Variants in SLAIN1 observed in about 807,000 individuals in gnomAD.
The protein encoded by SLAIN1 is SLAIN family member 1.
Under a neutral mutation model 55.4 loss-of-function variants are expected in SLAIN1, and 17 were observed. That is an observed-to-expected ratio of 0.31 (90% CI 0.21 to 0.46). The LOEUF (loss-of-function observed/expected upper bound fraction) is 0.46, where lower values mean the gene tolerates loss of function less well. Ranked by LOEUF, SLAIN1 falls within the 20% of genes least tolerant of loss-of-function variation. The probability of loss-of-function intolerance (pLI) is 1.00; values close to 1 mark genes in which losing one functional copy is unlikely to be tolerated. For missense variants in SLAIN1, 682 were observed against 785.1 expected (o/e 0.87, Z 1.57); for synonymous variants, 348 against 337.4 (o/e 1.03, Z -0.35).
chr13:77,708,824 C>T (rs1041844993), intron 1 of SLAIN1, among the ~76,000 whole-genome samples: 2 of 152,128 alleles, frequency 1.3e-5, no homozygotes, highest in African/African-American at 4.8e-5. Flanking sequence ...TGCAAAAAGG[C>T]TGAAAATTCC....
chr13:77,763,379 T>C lies in SLAIN1; in HGVS notation c.*159T>C. ...CAATGGACCAGTCACCAGAGACTAA[T>C]TATTGCACTTAAATATTTGCCTGAG... On this transcript the variant is annotated 3_prime_UTR_variant, in exon 7 of 7. Transcript: ENST00000418532. 1.7e-6 allele frequency: 1 copy of C among 603,712 alleles called. No homozygotes were observed. The highest frequency in any genetic ancestry group is 2.9e-6 in the Non-Finnish European group (1 of 341,896). 37.4% of individuals were successfully genotyped at this position (603,712 alleles called of 1,614,324 possible). A position where few individuals can be genotyped will look rare whatever the true frequency, so the allele number is the denominator to read the frequency against.
At chr13:77,703,868 G>A (rs2091055226) in intron 1 of SLAIN1, among the ~76,000 whole-genome samples, 1 of 142,378 alleles carries the variant, frequency 7.0e-6, no homozygotes, top group African/African-American at 2.6e-5. Flanking sequence ...ACTTTTCAGT[G>A]GCAGGTCTAA....
At chr13:77,711,556 T>C (rs942360445) in intron 1 of SLAIN1, among the ~76,000 whole-genome samples, 1 of 151,998 alleles carries the variant, frequency 6.6e-6, no homozygotes, top group Admixed American at 6.6e-5. Context: ...AGACCAGTAA[T>C]AAATTCTGGA....
chr13:77,714,174 TAAAA>T (rs11316609), intron 1 of SLAIN1, among the ~76,000 whole-genome samples: 8 of 151,814 alleles, frequency 5.3e-5, no homozygotes, highest in Admixed American at 5.3e-4. Flanking sequence ...AGTATAGTAA[TAAAA>T]AAATAAGGAA....
chr13:77,737,368 A>C (rs748158684), intron 2 of SLAIN1, among the ~76,000 whole-genome samples: 31 of 152,074 alleles, frequency 2.0e-4, no homozygotes, highest in Non-Finnish European at 4.4e-4. Context: ...ATGCCCATTT[A>C]GTTCATCATT....
chr13:77,703,424 A>G (rs2091050520), intron 1 of SLAIN1, among the ~76,000 whole-genome samples: 1 of 152,128 alleles, frequency 6.6e-6, no homozygotes, highest in South Asian at 2.1e-4. Flanking sequence ...ATTTTCAGTG[A>G]AAAGACCAGA....
rs1875282159 is a variant in SLAIN1, at chr13:77,764,157, A to G, written c.*937A>G. The G allele has an allele frequency of 6.6e-6, 1 of 152,644 alleles. No individual in the cohort carries two copies. The highest frequency in any genetic ancestry group is 2.4e-5 in the African/African-American group (1 of 41,454). 9.5% of individuals were successfully genotyped at this position (152,644 alleles called of 1,614,324 possible). ...GCACTAATGAATGCTTTCTTATGGCATATAACTTAATATTTGTTACTGTGT... is the reference window on the plus strand; with the variant it reads ...GCACTAATGAATGCTTTCTTATGGCGTATAACTTAATATTTGTTACTGTGT... On this transcript the variant is annotated 3_prime_UTR_variant, in exon 7 of 7. Coordinates refer to ENST00000418532, the MANE Select transcript of SLAIN1 (RefSeq NM_001242868.2).
At chr13:77,735,155 T>C (rs1873058171) in intron 2 of SLAIN1, among the ~76,000 whole-genome samples, 1 of 152,208 alleles carries the variant, frequency 6.6e-6, no homozygotes, top group African/African-American at 2.4e-5. Flanking sequence ...CCTGTACCCA[T>C]GAAAAGCCTG....
Position 77,698,018 on chromosome 13 carries a change from G to T in SLAIN1, c.105G>T (p.Leu35=), listed in dbSNP as rs2090990834. Residue 35 remains leucine (L), a synonymous_variant, in exon 1 of 7, where the codon CTG becomes CTT. Coordinates refer to ENST00000418532, the MANE Select transcript of SLAIN1 (RefSeq NM_001242868.2). This position sits in a 1 kb window ranked among gnomAD's most constrained non-coding sequence, Gnocchi z 4.1. ...TGGAGGTGAAGAAGCTGCAGGAGCT[G>T]GTGCGCAAGCTGGAGAAGCAGAACG... ...AELEVKKLQE[L]VRKLEKQNEQ... The T allele has an allele frequency of 7.0e-7, 1 of 1,431,606 alleles. No homozygotes were observed. The highest frequency in any genetic ancestry group is 9.2e-7 in the Non-Finnish European group (1 of 1,081,094). The allele number at this position is 1,431,606 out of a possible 1,614,324, so 88.7% of individuals were successfully genotyped here.
intron 1 of SLAIN1, among the ~76,000 whole-genome samples, chr13:77,716,246 T>C (rs1243532130): frequency 6.6e-6 from 1 of 152,028 alleles, no homozygotes; most frequent in African/African-American, 2.4e-5. Flanking sequence ...TCTGGGCTAT[T>C]TTTTTCCACT....
chr13:77,750,107 C>T (rs1050122719), intron 4 of SLAIN1, among the ~76,000 whole-genome samples: 10 of 152,084 alleles, frequency 6.6e-5, no homozygotes, highest in Non-Finnish European at 1.5e-4. Context: ...AGAATTTTCT[C>T]AGGAGATCAA....
In SLAIN1 at chr13:77,698,944, T is replaced by C. The variant is rs370537468; in HGVS notation, c.626+405T>C. 1 of 1,534,014 alleles carries C rather than the reference T, an allele frequency of 6.5e-7. No homozygotes were observed. The highest frequency in any genetic ancestry group is 8.7e-7 in the Non-Finnish European group (1 of 1,146,768). On this transcript the variant is annotated intron_variant, in intron 1 of 6. Coordinates refer to ENST00000418532, the MANE Select transcript of SLAIN1 (RefSeq NM_001242868.2). This position sits in a 1 kb window ranked among gnomAD's most constrained non-coding sequence, Gnocchi z 4.1. ...GGGGGATGGTAGGGGTTGGCCTCTG[T>C]CTGCGACTGTTACTGTTCTTTCGTT...
At chr13:77,741,352 C>G in intron 2 of SLAIN1, 1 of 987,384 alleles carries the variant, frequency 1.0e-6, no homozygotes, top group Non-Finnish European at 1.2e-6. Flanking sequence ...GTAGTGTATT[C>G]TGGAGTCAAG....
At chr13:77,737,142 G>A (rs891540047) in intron 2 of SLAIN1, among the ~76,000 whole-genome samples, 1 of 151,904 alleles carries the variant, frequency 6.6e-6, no homozygotes, top group African/African-American at 2.4e-5. Context: ...ATGTGCGATG[G>A]CATCAGTGTC....
In SLAIN1 at chr13:77,763,254, A is replaced by T. The variant is rs1361720552; in HGVS notation, c.*34A>T. 6.4e-7 allele frequency: 1 copy of T among 1,560,182 alleles called. No homozygotes were observed. The highest frequency in any genetic ancestry group is 8.8e-7 in the Non-Finnish European group (1 of 1,131,852). On this transcript the variant is annotated 3_prime_UTR_variant, in exon 7 of 7. Transcript: ENST00000418532. ...TATGTACCCTTGAAAAATGGGAAAGAAGTAAAAATGAGGGTTGTGTTACCT... is the reference window on the plus strand; with the variant it reads ...TATGTACCCTTGAAAAATGGGAAAGTAGTAAAAATGAGGGTTGTGTTACCT...
At chr13:77,741,297 T>C (rs1873418576) in intron 2 of SLAIN1, 1 of 987,316 alleles carries the variant, frequency 1.0e-6, no homozygotes, top group Admixed American at 6.2e-5. Context: ...ATTGAACATG[T>C]GAGAACAGCT....
chr13:77,698,996 G>C lies in SLAIN1; in HGVS notation c.626+457G>C. On this transcript the variant is annotated intron_variant, in intron 1 of 6. Coordinates refer to ENST00000418532, the MANE Select transcript of SLAIN1 (RefSeq NM_001242868.2). This position sits in a 1 kb window ranked among gnomAD's most constrained non-coding sequence, Gnocchi z 4.1. ...TAAACGAACGCTGGACAGGATTTGC[G>C]TGCTCTTCCTCCTCGGGTGGCATCG... is the stretch of plus-strand genomic sequence containing the variant. 2.0e-6 allele frequency: 3 copies of C among 1,534,876 alleles called. No homozygotes were observed. Among genetic ancestry groups the C allele is most frequent in the East Asian group, 2.4e-5 (1 of 40,912 alleles).
intron 4 of SLAIN1, among the ~76,000 whole-genome samples, chr13:77,750,250 T>C (rs1240861792): frequency 2.0e-5 from 3 of 152,176 alleles, no homozygotes; most frequent in Non-Finnish European, 4.4e-5. Context: ...CAGGTGTTTA[T>C]GATACTATTT....
At chr13:77,762,343 G>A (rs1428547185) in intron 6 of SLAIN1, among the ~76,000 whole-genome samples, 1 of 152,012 alleles carries the variant, frequency 6.6e-6, no homozygotes, top group Non-Finnish European at 1.5e-5. Flanking sequence ...ATGTGAGATG[G>A]TCTATTTCCC....
Sources: allele counts gnomAD v4.1 joint callset (sites outside exome capture counted in the v4.1 genomes callset), GRCh38; gene constraint gnomAD v4.1.1; non-coding constraint Gnocchi (gnomAD v3.1); transcripts MANE v1.5; gene names NCBI Gene and HGNC (gene_info 2026-07-23, HGNC 2026-07-21).